CENPE: variants seen among roughly 807,000 people sequenced by gnomAD.
The protein encoded by CENPE is centromere-associated protein E.
CENPE carries 145 observed loss-of-function variants against 336.1 expected under a neutral mutation model. The observed-to-expected ratio is 0.43, with a 90% CI of 0.38 to 0.50. CENPE has a LOEUF of 0.50. Ranked by LOEUF, CENPE falls within the 20% of genes least tolerant of loss-of-function variation. The pLI is 0.00. For missense variants in CENPE, 2,719 were observed against 3,023.3 expected (o/e 0.90, Z 2.36); for synonymous variants, 1,013 against 984.8 (o/e 1.03, Z -0.54).
At chr4:103,120,124 CTT>C (rs779356833) in intron 44 of CENPE, 22 bp downstream of exon 44, 2 of 1,523,726 alleles carry the variant, frequency 1.3e-6, no homozygotes, top group South Asian at 1.2e-5. Flanking sequence ...AAACAAACAA[CTT>C]TTATTTTTAT....
At chr4:103,166,138 T>A (rs540649189) in intron 16 of CENPE, among the ~76,000 whole-genome samples, 1 of 152,190 alleles carries the variant, frequency 6.6e-6, no homozygotes, top group African/African-American at 2.4e-5. Context: ...GTCATGTTAT[T>A]ATCACATATA....
Position 103,140,991 on chromosome 4 carries a change from T to C in CENPE, c.5577A>G (p.Gln1859=). 2 of 1,611,858 alleles carry C rather than the reference T, an allele frequency of 1.2e-6. No homozygotes were observed. Among genetic ancestry groups the C allele is most frequent in the Non-Finnish European group, 1.7e-6 (2 of 1,178,400 alleles). ...MEQLKKQIKD[Q]SLTLSKLEIE... ...TTTCTAATTTACTCAGAGTTAAGCT[T>C]TGGTCTTTTATTTGTTTCTTTAGTT... The change falls in exon 36 of 49, where the codon CAA becomes CAG. Residue 1859 remains glutamine, a synonymous_variant. Transcript: ENST00000265148.
intron 1 of CENPE, among the ~76,000 whole-genome samples, chr4:103,197,269 G>A (rs780339697): frequency 6.6e-5 from 10 of 152,118 alleles, no homozygotes; most frequent in Non-Finnish European, 1.3e-4. Flanking sequence ...TTCCCCAAAT[G>A]ACAGATGTAA....
At chr4:103,191,640 G>A (rs1222479702) in intron 8 of CENPE, among the ~76,000 whole-genome samples, 2 of 131,996 alleles carry the variant, frequency 1.5e-5, no homozygotes, top group Admixed American at 1.5e-4. Context: ...ACACACCGGG[G>A]CCTGTTGTGG....
Position 103,161,419 on chromosome 4 carries a change from CA to C in CENPE, c.1880del (p.Leu627ArgfsTer7). The part of the protein sequence containing the change: ...IEDPKQMKQT[L>X]FDAETVALDA... The stretch of plus-strand genomic sequence containing the variant: ...CAAGGGCTACAGTTTCAGCATCAAA[CA>C]GAGTCTGCTTCATTTGTTTTGGGTC... On this transcript the variant is annotated frameshift_variant, in exon 19 of 49. Coordinates refer to ENST00000265148, the MANE Select transcript of CENPE (RefSeq NM_001813.3). LOFTEE classifies it high-confidence loss of function. The C allele has an allele frequency of 6.2e-7, 1 of 1,612,536 alleles. No individual in the cohort carries two copies. Among genetic ancestry groups the C allele is most frequent in the Non-Finnish European group, 8.5e-7 (1 of 1,179,284 alleles).
chr4:103,195,812 A>G (rs574929545), intron 4 of CENPE, 108 bp downstream of exon 4: 2 of 732,772 alleles, frequency 2.7e-6, no homozygotes, highest in African/African-American at 1.7e-5. Flanking sequence ...TCAAACAATA[A>G]CTGTAAATCT....
intron 42 of CENPE, among the ~76,000 whole-genome samples, chr4:103,129,779 C>T (rs1169256687): frequency 6.6e-6 from 1 of 151,840 alleles, no homozygotes; most frequent in Admixed American, 6.6e-5. Context: ...ATGTGAAAAT[C>T]TCAACAAAAT....
intron 1 of CENPE, among the ~76,000 whole-genome samples, chr4:103,197,416 T>C (rs1757824310): frequency 2.0e-5 from 3 of 152,192 alleles, no homozygotes. Flanking sequence ...GGCTAATAAC[T>C]CCTCTAGCAA....
rs953409623 is a variant in CENPE at position 103,192,913 on chromosome 4, G to GT, written c.693+1315dup. Among the ~76,000 whole-genome samples the GT allele has an allele frequency of 7.1e-3, 1,022 of 144,028 alleles. 10 individuals carry two copies. The highest frequency in any genetic ancestry group is 0.021 in the African/African-American group (827 of 39,566). The allele number at this position is 144,028 out of a possible 152,430, so 94.5% of individuals were successfully genotyped here. On this transcript the variant is annotated intron_variant, in intron 8 of 48. Coordinates refer to ENST00000265148, the MANE Select transcript of CENPE (RefSeq NM_001813.3). ...AAGAAACGTCACAGAATACCTCCAA[G>GT]TTTTTTTTTTTTTAATTATTTTTTT...
At chr4:103,132,542 T>C (rs1274610338) in intron 42 of CENPE, 151 bp downstream of exon 42, 3 of 421,562 alleles carry the variant, frequency 7.1e-6, no homozygotes, top group South Asian at 4.1e-5. Flanking sequence ...GGAAGAATAA[T>C]ACATTAGAGG....
intron 46 of CENPE, 54 bp downstream of exon 46, chr4:103,114,401 G>T: frequency 9.5e-7 from 1 of 1,048,392 alleles, no homozygotes; most frequent in Non-Finnish European, 1.5e-6. Context: ...TTCAAAGTCT[G>T]TTGTGTGTTG....
intron 29 of CENPE, 51 bp downstream of exon 29, chr4:103,147,305 C>T: frequency 6.9e-7 from 1 of 1,459,766 alleles, no homozygotes; most frequent in Non-Finnish European, 9.3e-7. Flanking sequence ...AAACACAAGC[C>T]TTGATTCTTA....
In CENPE at chr4:103,109,731, A is replaced by G. The variant is rs72944917; in HGVS notation, c.7725-642T>C. ...TTACTTTTTGTCTGAACTACCATAA[A>G]CACATTCTAAAATTTGATCCCTCTA... On this transcript the variant is annotated intron_variant, in intron 47 of 48. Transcript: ENST00000265148. 3.2e-3 allele frequency among the ~76,000 whole-genome samples: 491 copies of G among 152,286 alleles called. 7 individuals are homozygous for G. Among genetic ancestry groups the G allele is most frequent in the African/African-American group, 0.011 (466 of 41,564 alleles).
chr4:103,132,215 ACT>A (rs1462604299), intron 42 of CENPE, among the ~76,000 whole-genome samples: 6 of 151,824 alleles, frequency 4.0e-5, no homozygotes, highest in Non-Finnish European at 5.9e-5. Flanking sequence ...GTATAAGAGA[ACT>A]CTCTGTACTT....
At chr4:103,114,324 AT>A in intron 46 of CENPE, 130 bp downstream of exon 46, 1 of 572,144 alleles carries the variant, frequency 1.7e-6, no homozygotes, top group Non-Finnish European at 3.1e-6. Context: ...CAATAAATTC[AT>A]TTAAAAATAG....
rs1752934060 is a variant in CENPE, at chr4:103,145,298, T to C, written c.4609A>G (p.Ile1537Val). The C allele has an allele frequency of 5.0e-6, 8 of 1,588,836 alleles. No homozygotes were observed. Among genetic ancestry groups the C allele is most frequent in the Admixed American group, 1.7e-5 (1 of 58,080 alleles). The change falls in exon 32 of 49, where the codon ATA becomes GTA. Residue 1537 changes from isoleucine (I) to valine (V), a missense_variant. Ile to Val is a conservative substitution (Grantham distance 29, BLOSUM62 3). Around this residue, in one of 5 missense-constraint regions of CENPE, gnomAD observed 2,437 missense variants for 2,513.3 expected, o/e 0.97. Transcript: ENST00000265148. ...EIYEKEEQFNIKQISEVQEKV... is the reference protein window; with the variant it reads ...EIYEKEEQFNVKQISEVQEKV... ...TCCTGAACCTCACTAATTTGTTTTA[T>C]ATTAAATTGTTCCTCTTTCTCATAA...
intron 39 of CENPE, among the ~76,000 whole-genome samples, chr4:103,137,941 G>A (rs185970521): frequency 8.3e-4 from 126 of 152,252 alleles, no homozygotes; most frequent in African/African-American, 2.8e-3. Context: ...ATGTCCCACA[G>A]CTTGCCTCTT....
intron 8 of CENPE, among the ~76,000 whole-genome samples, chr4:103,190,520 C>G (rs1325076288): frequency 6.6e-6 from 1 of 152,098 alleles, no homozygotes; most frequent in South Asian, 2.1e-4. Flanking sequence ...TTTGACAAAC[C>G]TGATAAAAAC....
At chr4:103,144,736 T>C (rs1752868300) in intron 32 of CENPE, 118 bp from the exon 33 acceptor site, 1 of 695,696 alleles carries the variant, frequency 1.4e-6, no homozygotes, top group South Asian at 2.0e-5. Context: ...TAGTACTTTC[T>C]TTCATAAGGG....
Sources: gnomAD v4.1 joint callset for allele counts (sites outside exome capture counted in the v4.1 genomes callset) on GRCh38, gnomAD v4.1.1 for gene constraint, gnomAD v4.1.1 regional missense constraint, MANE v1.5 for transcripts, NCBI Gene and HGNC (gene_info 2026-07-23, HGNC 2026-07-21) for gene names.